KHDC1: variants seen among roughly 807,000 people sequenced by gnomAD.
The protein encoded by KHDC1 is KH homology domain-containing protein 1.
A neutral mutation model predicts 24.7 loss-of-function variants in KHDC1; 21 were observed. The observed-to-expected ratio is 0.85, with a 90% CI of 0.60 to 1.23. The LOEUF (loss-of-function observed/expected upper bound fraction) is 1.23. Ranked by LOEUF, KHDC1 falls within the 50% of genes most tolerant of loss-of-function variation. The pLI, the probability that KHDC1 is intolerant of heterozygous loss-of-function variation, is 0.00. For synonymous variants in KHDC1, 98 were observed against 111.7 expected (o/e 0.88, Z 0.77); for missense variants, 274 against 298.5 (o/e 0.92, Z 0.61).
chr6:73,295,621 G>A (rs1193809417), intron 1 of KHDC1, among the ~76,000 whole-genome samples: 1 of 151,960 alleles, frequency 6.6e-6, no homozygotes, highest in African/African-American at 2.4e-5. Context: ...CAAGGCGGGC[G>A]GATTACCTGA....
Position 73,305,661 on chromosome 6 carries a change from AATT to A in KHDC1, c.163+3888_163+3890del, listed in dbSNP as rs1278400177. Among the ~76,000 whole-genome samples, 34 of 152,202 alleles carry A rather than the reference AATT, an allele frequency of 2.2e-4. No individual in the cohort carries two copies. The East Asian group carries it at 2.3e-3, about 10-fold the overall frequency. ...AATATAATATATTGGATTTTGATTT[AATT>A]ATTATTATTTTTTGAGACATAGTCT... On this transcript the variant is annotated intron_variant, in intron 1 of 4. Transcript: ENST00000370384.
intron 1 of KHDC1, chr6:73,293,027 A>G: frequency 9.9e-7 from 1 of 1,008,406 alleles, no homozygotes; most frequent in Non-Finnish European, 1.5e-6. Context: ...ATTGAACATG[A>G]CTCCAGATGA....
chr6:73,245,665 A>T (rs1766651896), intron 2 of KHDC1, among the ~76,000 whole-genome samples: 1 of 152,148 alleles, frequency 6.6e-6, no homozygotes, highest in Non-Finnish European at 1.5e-5. Flanking sequence ...ATTGTTCTAA[A>T]TATTCATTTG....
chr6:73,309,877 C>T (rs1270418089), exon 1 of KHDC1: 1 of 740,170 alleles, frequency 1.4e-6, no homozygotes, highest in Non-Finnish European at 2.2e-6. Flanking sequence ...TCAACCCAGA[C>T]TGGACCAATG....
chr6:73,246,920 T>A lies in KHDC1; in HGVS notation c.207-4390A>T, dbSNP rs147860860. Among the ~76,000 whole-genome samples the A allele has an allele frequency of 5.0e-3, 760 of 152,138 alleles. 9 individuals carry two copies. The highest frequency in any genetic ancestry group is 0.017 in the African/African-American group (695 of 41,496). ...ACCAAAATAAACGGCATCCTAATAG[T>A]TTGATTATTTTGCACATTGGGCTTG... On this transcript the variant is annotated intron_variant, in intron 2 of 4. Transcript: ENST00000370384.
chr6:73,310,375 C>T (rs1274911324), upstream of KHDC1: 1 of 152,420 alleles, frequency 6.6e-6, no homozygotes, highest in African/African-American at 2.4e-5. Context: ...GGGCCTGGAA[C>T]ACTCCCCAGG....
At chr6:73,247,855 CAAAA>C (rs60650206) in intron 2 of KHDC1, among the ~76,000 whole-genome samples, 4 of 89,542 alleles carry the variant, frequency 4.5e-5, no homozygotes, top group Admixed American at 1.2e-4. Context: ...GACTCTGTCT[CAAAA>C]AAAAAAAAAA....
At chr6:73,268,500 C>T (rs1400331207) in intron 2 of KHDC1, 1 of 152,346 alleles carries the variant, frequency 6.6e-6, no homozygotes, top group Admixed American at 6.5e-5. Flanking sequence ...ATTCTCTTAT[C>T]TGGCCCCACC....
chr6:73,309,489 C>T, intron 1 of KHDC1: 4 of 1,447,298 alleles, frequency 2.8e-6, no homozygotes, highest in African/African-American at 2.9e-5. Flanking sequence ...GGAAGCGAAA[C>T]TCGCCTTTCC....
intron 1 of KHDC1, among the ~76,000 whole-genome samples, chr6:73,308,545 G>A (rs1166479278): frequency 1.3e-5 from 2 of 148,420 alleles, no homozygotes; most frequent in Non-Finnish European, 3.0e-5. Flanking sequence ...GTCTCACTCC[G>A]ATTGCCCAGG....
chr6:73,284,948 G>A (rs4708043), intron 2 of KHDC1, among the ~76,000 whole-genome samples: 9,598 of 151,164 alleles, frequency 0.063, 783 homozygotes, highest in African/African-American at 0.19. Context: ...GGGTTCAAGC[G>A]ATTCTCCTGC....
chr6:73,249,171 G>A (rs1766731588), intron 2 of KHDC1, among the ~76,000 whole-genome samples: 2 of 152,060 alleles, frequency 1.3e-5, no homozygotes, highest in Admixed American at 6.6e-5. Flanking sequence ...CACCAGTGTG[G>A]TGGCTAACAG....
chr6:73,297,904 G>A (rs1241675411), intron 1 of KHDC1, among the ~76,000 whole-genome samples: 1 of 152,048 alleles, frequency 6.6e-6, no homozygotes, highest in Non-Finnish European at 1.5e-5. Context: ...TGAAATTCTG[G>A]CCTACGGTGT....
intron 1 of KHDC1, chr6:73,292,697 C>T: frequency 1.3e-6 from 1 of 750,066 alleles, no homozygotes; most frequent in Middle Eastern, 3.2e-4. Flanking sequence ...AATGTGTCCA[C>T]ACATTCTTCA....
At chr6:73,295,131 C>T (rs999077646) in intron 1 of KHDC1, among the ~76,000 whole-genome samples, 2 of 151,864 alleles carry the variant, frequency 1.3e-5, no homozygotes, top group African/African-American at 2.4e-5. Context: ...TCCAGTCTGG[C>T]GACAGAGCAA....
rs555973157 is a variant in KHDC1 at position 73,296,414 on chromosome 6, C to T, written c.164-4374G>A. Among the ~76,000 whole-genome samples the T allele has an allele frequency of 3.9e-5, 6 of 152,204 alleles. No individual in the cohort carries two copies. The South Asian group carries it at 1.3e-3, about 32-fold the overall frequency. On this transcript the variant is annotated intron_variant, in intron 1 of 4. Transcript: ENST00000370384. ...GTTGCAGTGAGCCAAGATCATGCCA[C>T]TGCACTGTAGCCTGGGTGACAGAGT... is the stretch of plus-strand genomic sequence containing the variant.
Position 73,262,161 on chromosome 6 carries a change from G to A in KHDC1, c.207-19631C>T, listed in dbSNP as rs75097418. ...CCACTTACGGTGTAACCTTGGGCCAGTTGCTTAACCTCTCTTGACCTCACT... is the reference window on the plus strand; with the variant it reads ...CCACTTACGGTGTAACCTTGGGCCAATTGCTTAACCTCTCTTGACCTCACT... On this transcript the variant is annotated intron_variant, in intron 2 of 4. Coordinates refer to ENST00000370384, the Ensembl canonical transcript of KHDC1. Among the ~76,000 whole-genome samples, 4 of 152,198 alleles carry A rather than the reference G, an allele frequency of 2.6e-5. No homozygotes were observed. The East Asian group carries it at 7.7e-4, about 29-fold the overall frequency.
chr6:73,245,497 G>C (rs758845798), intron 2 of KHDC1, among the ~76,000 whole-genome samples: 4 of 152,160 alleles, frequency 2.6e-5, no homozygotes, highest in Admixed American at 6.5e-5. Flanking sequence ...GCAGAGTACA[G>C]GTTCAGGAAG....
At chr6:73,292,602 T>C in intron 1 of KHDC1, 3 of 762,158 alleles carry the variant, frequency 3.9e-6, no homozygotes. Context: ...AGAGCATGGC[T>C]CGTTCACTGG....
Sources: allele counts gnomAD v4.1 joint callset (sites outside exome capture counted in the v4.1 genomes callset), GRCh38; gene constraint gnomAD v4.1.1; transcripts MANE v1.5; gene names NCBI Gene and HGNC (gene_info 2026-07-23, HGNC 2026-07-21).